NDUFB6: variants seen among roughly 807,000 people sequenced by gnomAD.
The protein encoded by NDUFB6 is NADH:ubiquinone oxidoreductase subunit B6, also known as NADH dehydrogenase [ubiquinone] 1 beta subcomplex subunit 6.
In NDUFB6, 23 loss-of-function variants were observed where a neutral mutation model predicts 17.5. The observed-to-expected ratio is 1.31, with a 90% CI of 0.94 to 1.86. NDUFB6 has a LOEUF of 1.86. Ranked by LOEUF, NDUFB6 falls within the 40% of genes most tolerant of loss-of-function variation. The pLI is 0.00. For synonymous variants in NDUFB6, 60 were observed against 53.5 expected (o/e 1.12, Z -0.53); for missense variants, 167 against 153.8 (o/e 1.09, Z -0.46).
intron 1 of NDUFB6, among the ~76,000 whole-genome samples, 190 bp downstream of exon 1, chr9:32,572,689 TTC>T (rs1821968805): frequency 6.6e-6 from 1 of 152,152 alleles, no homozygotes; most frequent in African/African-American, 2.4e-5. Flanking sequence ...AAAGGCATGA[TTC>T]TCTCAAAGCC....
chr9:32,569,070 T>C (rs1425707436), intron 2 of NDUFB6, among the ~76,000 whole-genome samples: 1 of 151,704 alleles, frequency 6.6e-6, no homozygotes, highest in African/African-American at 2.4e-5. Flanking sequence ...ATTAAGAAAT[T>C]GCCACAGCCA....
At chr9:32,557,105 G>A (rs1821481499) in intron 3 of NDUFB6, among the ~76,000 whole-genome samples, 1 of 146,486 alleles carries the variant, frequency 6.8e-6, no homozygotes, top group Non-Finnish European at 1.5e-5. Flanking sequence ...TGATCCACCT[G>A]CCTCTGCCTC....
chr9:32,563,567 T>A (rs1563995015), intron 2 of NDUFB6, among the ~76,000 whole-genome samples: 1 of 145,854 alleles, frequency 6.9e-6, no homozygotes, highest in Non-Finnish European at 1.5e-5. Context: ...CAAGCAGTCC[T>A]CCCACCTCAG....
In NDUFB6 at chr9:32,573,121, T is replaced by C; in HGVS notation, c.-61A>G. On this transcript the variant is annotated 5_prime_UTR_variant, in exon 1 of 4. Transcript: ENST00000379847. ...ACCCTCGAACTACGGACTAGTTACT[T>C]AAGCGCGCTCCCGCTCTGCAAAGCG... 2 of 1,446,698 alleles carry C rather than the reference T, an allele frequency of 1.4e-6. No homozygotes were observed. The highest frequency in any genetic ancestry group is 9.1e-7 in the Non-Finnish European group (1 of 1,095,904). The allele number at this position is 1,446,698 out of a possible 1,614,324, so 89.6% of individuals were successfully genotyped here. A position where few individuals can be genotyped will look rare whatever the true frequency, so the allele number is the denominator to read the frequency against.
chr9:32,566,749 C>A, intron 2 of NDUFB6: 1 of 921,436 alleles, frequency 1.1e-6, no homozygotes. Context: ...CACAGCGGGT[C>A]CTCAGCCCGG....
intron 2 of NDUFB6, chr9:32,568,703 T>C: frequency 6.3e-6 from 1 of 159,012 alleles, no homozygotes. Flanking sequence ...TATGTATATA[T>C]ATGTGTATGT....
chr9:32,558,779 A>G, intron 3 of NDUFB6, 131 bp downstream of exon 3: 2 of 553,872 alleles, frequency 3.6e-6, no homozygotes, highest in Non-Finnish European at 3.1e-6. Flanking sequence ...TTTTACAAGA[A>G]TACACAAAAC....
At chr9:32,558,346 C>T (rs1025214454) in intron 3 of NDUFB6, among the ~76,000 whole-genome samples, 1 of 151,940 alleles carries the variant, frequency 6.6e-6, no homozygotes, top group African/African-American at 2.4e-5. Flanking sequence ...CTCCTGACCT[C>T]ACGATCCACC....
chr9:32,569,624 C>T (rs1368116288), intron 2 of NDUFB6, among the ~76,000 whole-genome samples: 1 of 152,212 alleles, frequency 6.6e-6, no homozygotes, highest in African/African-American at 2.4e-5. Flanking sequence ...AGCAATCCTC[C>T]CATCTCAGCC....
At chr9:32,566,087 A>C in intron 2 of NDUFB6, 6 of 412,870 alleles carry the variant, frequency 1.5e-5, no homozygotes, top group East Asian at 1.1e-4. Context: ...AAAAAAAGGC[A>C]CCTGTTAAAA....
Position 32,559,076 on chromosome 9 carries a change from T to C in NDUFB6, c.274-122A>G. ...ACTTTCACAGAACTCCAGATTCACA[T>C]ATCCAACTGTTTACTCAACATCTCT... On this transcript the variant is annotated intron_variant, in intron 2 of 3. Transcript: ENST00000379847. The C allele has an allele frequency of 6.8e-6, 4 of 590,826 alleles. No individual in the cohort carries two copies. The South Asian group carries it at 1.0e-4, about 15-fold the overall frequency. 36.6% of individuals were successfully genotyped at this position (590,826 alleles called of 1,614,324 possible).
chr9:32,558,870 A>G, intron 3 of NDUFB6, 40 bp downstream of exon 3: 1 of 1,362,138 alleles, frequency 7.3e-7, no homozygotes, highest in Non-Finnish European at 1.0e-6. Context: ...GAAAGAGAAA[A>G]ACAATAAACA....
At position 32,553,530 on chromosome 9, in the gene NDUFB6, C is replaced by T; in HGVS notation, c.*346G>A. 4.5e-6 allele frequency: 1 copy of T among 220,268 alleles called. No homozygotes were observed. The highest frequency in any genetic ancestry group is 9.1e-6 in the Non-Finnish European group (1 of 110,108). The allele number at this position is 220,268 out of a possible 1,614,324, so 13.6% of individuals were successfully genotyped here. A position where few individuals can be genotyped will look rare whatever the true frequency, so the allele number is the denominator to read the frequency against. ...AACAAAAGTGCATGGAATTGCTGTT[C>T]TTACATTTGTTTATTGTGATATTTC... On this transcript the variant is annotated 3_prime_UTR_variant, in exon 4 of 4. Coordinates refer to ENST00000379847, the MANE Select transcript of NDUFB6 (RefSeq NM_002493.5).
At chr9:32,572,824 C>T in intron 1 of NDUFB6, 57 bp downstream of exon 1, 1 of 1,459,156 alleles carries the variant, frequency 6.9e-7, no homozygotes, top group South Asian at 1.3e-5. Context: ...GTTCAGTGTT[C>T]AGGCTGCCGG....
At position 32,571,016 on chromosome 9, in the gene NDUFB6, T is replaced by C; in HGVS notation, c.217A>G (p.Thr73Ala). The change falls in exon 2 of 4, where the codon ACT (threonine) becomes GCT (alanine). Residue 73 changes from threonine (T) to alanine (A), a missense_variant. By Grantham distance (58) the Thr-to-Ala change is moderately conservative. Coordinates refer to ENST00000379847, the MANE Select transcript of NDUFB6 (RefSeq NM_002493.5). The stretch of plus-strand genomic sequence containing the variant: ...ATCCAGACAGGTACAAGTACATGAG[T>C]GAAAACAAAGATACTCTTTTTGTAT... The part of the protein sequence containing the change: ...GVYKKSIFVF[T>A]HVLVPVWIIH... 6.2e-7 allele frequency: 1 copy of C among 1,606,238 alleles called. No individual in the cohort carries two copies. Among genetic ancestry groups the C allele is most frequent in the South Asian group, 1.1e-5 (1 of 90,114 alleles).
chr9:32,566,133 T>C, intron 2 of NDUFB6: 1 of 601,666 alleles, frequency 1.7e-6, no homozygotes, highest in Non-Finnish European at 3.0e-6. Context: ...AAGACGAGAA[T>C]ATGGTGTGTA....
At chr9:32,571,757 C>G (rs149280202) in intron 1 of NDUFB6, among the ~76,000 whole-genome samples, 1 of 152,188 alleles carries the variant, frequency 6.6e-6, no homozygotes, top group African/African-American at 2.4e-5. Flanking sequence ...TATTTATTTA[C>G]TTCCTTATAT....
rs1413030777 is a variant in NDUFB6, at chr9:32,556,488, G to T, written c.318+2422C>A. Among the ~76,000 whole-genome samples the T allele has an allele frequency of 2.6e-5, 4 of 152,322 alleles. No homozygotes were observed. The East Asian group carries it at 7.7e-4, about 29-fold the overall frequency. On this transcript the variant is annotated intron_variant, in intron 3 of 3. Coordinates refer to ENST00000379847, the MANE Select transcript of NDUFB6 (RefSeq NM_002493.5). ...AAGAAATAAACCTCTGTTTTGTTAAGCCATTGAGATTTGGAAGTTTGTTAT... is the reference window on the plus strand; with the variant it reads ...AAGAAATAAACCTCTGTTTTGTTAATCCATTGAGATTTGGAAGTTTGTTAT...
chr9:32,566,930 AG>A (rs1821811089), intron 2 of NDUFB6: 3 of 532,918 alleles, frequency 5.6e-6, no homozygotes, highest in Non-Finnish European at 1.1e-5. Flanking sequence ...TAGCCCTGCC[AG>A]GCCTGGCGTG....
Sources: gnomAD v4.1 joint callset for allele counts (sites outside exome capture counted in the v4.1 genomes callset) on GRCh38, gnomAD v4.1.1 for gene constraint, MANE v1.5 for transcripts, NCBI Gene and HGNC (gene_info 2026-07-23, HGNC 2026-07-21) for gene names.